SVEP1: variants seen among roughly 807,000 people sequenced by gnomAD.
SVEP1 encodes sushi, von Willebrand factor type A, EGF and pentraxin domain-containing protein 1.
Under a neutral mutation model 367.3 loss-of-function variants are expected in SVEP1, and 164 were observed. The ratio of observed to expected loss-of-function variants is 0.45; its 90% CI spans 0.39 to 0.51. The LOEUF (loss-of-function observed/expected upper bound fraction) is 0.51. Ranked by LOEUF, SVEP1 falls within the 20% of genes least tolerant of loss-of-function variation. The probability of loss-of-function intolerance (pLI) is 0.00; values close to 1 mark genes in which losing one functional copy is unlikely to be tolerated. For synonymous variants in SVEP1, 1,666 were observed against 1,611.6 expected (o/e 1.03, Z -0.81); for missense variants, 4,117 against 4,425.3 (o/e 0.93, Z 1.98).
rs775384620 is a variant in SVEP1 at position 110,411,744 on chromosome 9, T to A, written c.5976-9A>T. The A allele has an allele frequency of 2.0e-6, 3 of 1,505,448 alleles. No homozygotes were observed. The highest frequency in any genetic ancestry group is 2.4e-5 in the East Asian group (1 of 41,488). The allele number at this position is 1,505,448 out of a possible 1,614,324, so 93.3% of individuals were successfully genotyped here. The stretch of plus-strand genomic sequence containing the variant: ...GACCAGCAAGAGTATAGCTGTGAGG[T>A]TGGGAAGAAAGAAAGAATAACTAAG... On this transcript the variant is annotated splice_polypyrimidine_tract_variant and intron_variant, in intron 36 of 47. Coordinates refer to ENST00000374469, the MANE Select transcript of SVEP1 (RefSeq NM_153366.4).
At chr9:110,529,878 G>T (rs138439592) in intron 3 of SVEP1, among the ~76,000 whole-genome samples, 6 of 152,096 alleles carry the variant, frequency 3.9e-5, no homozygotes, top group Admixed American at 2.6e-4. Flanking sequence ...TGGTTCTGGC[G>T]AGGACTTCCA....
Position 110,406,908 on chromosome 9 carries a change from C to G in SVEP1, c.8692G>C (p.Ala2898Pro), listed in dbSNP as rs1473203517. ...PVRCATPPQL[A>P]NGVTEGLDYG... is the part of the protein sequence containing the mutation. ...TCCAGGCCTTCCGTCACCCCATTGG[C>G]CAGTTGTGGCGGGGTGGCACATCTG... The change falls in exon 38 of 48, where the codon GCC (alanine) becomes CCC (proline). Residue 2898 changes from alanine to proline, a missense_variant. By Grantham distance (27) the Ala-to-Pro change is conservative. Around this residue, in one of 4 missense-constraint regions of SVEP1, gnomAD observed 1,765 missense variants for 1,781.1 expected, o/e 0.99. Coordinates refer to ENST00000374469, the MANE Select transcript of SVEP1 (RefSeq NM_153366.4). 6.2e-7 allele frequency: 1 copy of G among 1,613,966 alleles called. No homozygotes were observed. Among genetic ancestry groups the G allele is most frequent in the Non-Finnish European group, 8.5e-7 (1 of 1,179,876 alleles).
chr9:110,493,791 T>C (rs1409937986), intron 8 of SVEP1, among the ~76,000 whole-genome samples: 1 of 152,088 alleles, frequency 6.6e-6, no homozygotes, highest in East Asian at 1.9e-4. Flanking sequence ...TATTATCCTG[T>C]GGTCTTATAG....
chr9:110,534,812 G>A (rs1017258505), intron 3 of SVEP1, among the ~76,000 whole-genome samples: 12 of 151,750 alleles, frequency 7.9e-5, no homozygotes, highest in South Asian at 6.2e-4. Flanking sequence ...CATTGGGTGC[G>A]TGTATGCCTT....
rs764057776 is a variant in SVEP1 at position 110,404,661 on chromosome 9, C to T, written c.9441-109G>A. ...AAGGCTCAGTAGATATTTTGTGCAA[C>T]ATATTGATTGTTGCACAATCAATAT... is the stretch of plus-strand genomic sequence containing the variant. On this transcript the variant is annotated intron_variant, in intron 38 of 47. Transcript: ENST00000374469. 9 of 1,005,688 alleles carry T rather than the reference C, an allele frequency of 8.9e-6. No homozygotes were observed. In the Admixed American group the frequency reaches 1.4e-4, roughly 15 times the overall value. The allele number at this position is 1,005,688 out of a possible 1,614,324, so 62.3% of individuals were successfully genotyped here.
chr9:110,506,203 G>A (rs1564162029), intron 5 of SVEP1, among the ~76,000 whole-genome samples: 1 of 152,054 alleles, frequency 6.6e-6, no homozygotes, highest in Non-Finnish European at 1.5e-5. Context: ...CACAATTTCT[G>A]TATCCAGTCT....
intron 3 of SVEP1, among the ~76,000 whole-genome samples, chr9:110,533,333 C>G (rs1425501726): frequency 6.6e-6 from 1 of 152,150 alleles, no homozygotes; most frequent in Non-Finnish European, 1.5e-5. Flanking sequence ...ATGTTTCTCA[C>G]GAGCCTACTA....
chr9:110,450,467 G>GTTTTTTT (rs10656079), intron 23 of SVEP1, among the ~76,000 whole-genome samples: 7 of 102,106 alleles, frequency 6.9e-5, no homozygotes, highest in Non-Finnish European at 7.5e-5. Context: ...TTGATAATCT[G>GTTTTTTT]TTTTTTTTTT....
intron 3 of SVEP1, 100 bp from the exon 4 acceptor site, chr9:110,514,206 G>A: frequency 6.8e-7 from 1 of 1,462,162 alleles, no homozygotes; most frequent in Non-Finnish European, 9.4e-7. Context: ...CCAAACAATA[G>A]TTTTCCATAG....
chr9:110,437,619 A>C (rs976588265), intron 27 of SVEP1, among the ~76,000 whole-genome samples: 2 of 151,440 alleles, frequency 1.3e-5, no homozygotes, highest in African/African-American at 4.9e-5. Flanking sequence ...CTACCCTGTG[A>C]CTTTCTTCCT....
At chr9:110,404,139 A>G (rs776310129) in intron 39 of SVEP1, among the ~76,000 whole-genome samples, 188 bp downstream of exon 39, 2 of 152,232 alleles carry the variant, frequency 1.3e-5, no homozygotes, top group Non-Finnish European at 2.9e-5. Context: ...TTCTTAGTTT[A>G]AAGTGGGAAT....
intron 43 of SVEP1, among the ~76,000 whole-genome samples, chr9:110,384,904 TAATTGATTACTG>T (rs1382295782): frequency 2.0e-5 from 3 of 152,226 alleles, no homozygotes; most frequent in Non-Finnish European, 2.9e-5. Flanking sequence ...ATGAATATGT[TAATTGATTACTG>T]TAGAGGTAGT....
Position 110,531,214 on chromosome 9 carries a change from AT to A in SVEP1, c.964+14900del, listed in dbSNP as rs557155381. Among the ~76,000 whole-genome samples, 13 of 152,196 alleles carry A rather than the reference AT, an allele frequency of 8.5e-5. No individual in the cohort carries two copies. The East Asian group carries it at 2.1e-3, about 25-fold the overall frequency. ...TAAATATTTCATATATAGTGATTTGATTTTTTTATAACTTGTTCTATAGCTC... is the reference window on the plus strand; with the variant it reads ...TAAATATTTCATATATAGTGATTTGATTTTTTATAACTTGTTCTATAGCTC... On this transcript the variant is annotated intron_variant, in intron 3 of 47. Transcript: ENST00000374469.
chr9:110,463,018 T>C (rs1158212469), intron 18 of SVEP1, among the ~76,000 whole-genome samples: 1 of 152,112 alleles, frequency 6.6e-6, no homozygotes, highest in Non-Finnish European at 1.5e-5. Flanking sequence ...TATATGTGCA[T>C]AAGAATATCA....
rs754163737 is a variant in SVEP1, at chr9:110,457,372, A to G, written c.3577-20T>C. The G allele has an allele frequency of 2.2e-5, 34 of 1,575,646 alleles. No homozygotes were observed. The highest frequency in any genetic ancestry group is 5.2e-5 in the Admixed American group (3 of 57,794). ...GAAAACCTACCAGTAGCATAAAAAAATCAATCAGAGACAAAGCACTCTATT... is the reference window on the plus strand; with the variant it reads ...GAAAACCTACCAGTAGCATAAAAAAGTCAATCAGAGACAAAGCACTCTATT... On this transcript the variant is annotated intron_variant, in intron 20 of 47. Transcript: ENST00000374469.
At position 110,499,257 on chromosome 9, in the gene SVEP1, G is replaced by A; in HGVS notation, c.1484-19C>T. The stretch of plus-strand genomic sequence containing the variant: ...TGGCGCTCTACGGTAGGGAAACAGA[G>A]AGAATGTTATTTGTGTTCCCACAAA... On this transcript the variant is annotated intron_variant, in intron 6 of 47. Coordinates refer to ENST00000374469, the MANE Select transcript of SVEP1 (RefSeq NM_153366.4). The A allele has an allele frequency of 6.3e-7, 1 of 1,591,296 alleles. No individual in the cohort carries two copies. Among genetic ancestry groups the A allele is most frequent in the Admixed American group, 1.8e-5 (1 of 56,868 alleles).
At chr9:110,517,137 A>G (rs1357066848) in intron 3 of SVEP1, among the ~76,000 whole-genome samples, 1 of 152,176 alleles carries the variant, frequency 6.6e-6, no homozygotes, top group African/African-American at 2.4e-5. Flanking sequence ...AAGACATTCG[A>G]GGATGTGCAT....
intron 9 of SVEP1, among the ~76,000 whole-genome samples, chr9:110,484,318 A>G (rs1829244243): frequency 6.6e-6 from 1 of 152,138 alleles, no homozygotes; most frequent in African/African-American, 2.4e-5. Flanking sequence ...GCAAGTGAGG[A>G]AAGGAGAGAG....
At position 110,578,992 on chromosome 9, in the gene SVEP1, C is replaced by A. The variant is rs1424528775; in HGVS notation, c.531+21G>T. The A allele has an allele frequency of 2.7e-6, 4 of 1,508,826 alleles. No individual in the cohort carries two copies. In the South Asian group the frequency reaches 4.0e-5, roughly 15 times the overall value. 93.5% of individuals were successfully genotyped at this position (1,508,826 alleles called of 1,614,324 possible). On this transcript the variant is annotated intron_variant, in intron 1 of 47. Coordinates refer to ENST00000374469, the MANE Select transcript of SVEP1 (RefSeq NM_153366.4). ...AGGGCCCGGGGACTAGGGCCCGGGT[C>A]GGGAGGGGCGGGCGCCTTACCGCGG... is the stretch of plus-strand genomic sequence containing the variant.
Sources: gnomAD v4.1 joint callset for allele counts (sites outside exome capture counted in the v4.1 genomes callset) on GRCh38, gnomAD v4.1.1 for gene constraint, gnomAD v4.1.1 regional missense constraint, MANE v1.5 for transcripts, NCBI Gene and HGNC (gene_info 2026-07-23, HGNC 2026-07-21) for gene names.